Variants in METTL22 observed in about 807,000 individuals in gnomAD.
METTL22 encodes the protein methyltransferase 22, Kin17 lysine.
In METTL22, 51 loss-of-function variants were observed where a neutral mutation model predicts 48.4. The ratio of observed to expected loss-of-function variants is 1.05; its 90% CI spans 0.84 to 1.33. The LOEUF (loss-of-function observed/expected upper bound fraction) is 1.33. METTL22 is among the 40% of genes most tolerant of loss of function. The probability of loss-of-function intolerance (pLI) is 0.00; values close to 1 mark genes in which losing one functional copy is unlikely to be tolerated. For missense variants in METTL22, 678 were observed against 526.9 expected, an observed-to-expected ratio of 1.29 and a Z score of -2.81; for synonymous variants, 255 against 214.1, an observed-to-expected ratio of 1.19 and a Z score of -1.67.
the METTL22 span, among the ~76,000 whole-genome samples, chr16:8,663,592 C>T: frequency 1.3e-5 from 2 of 152,046 alleles, no homozygotes. Context: ...GAGGTCCTCC[C>T]ACTCCTCCTA....
chr16:8,658,234 A>G, the METTL22 span, among the ~76,000 whole-genome samples: 5 of 152,324 alleles, frequency 3.3e-5, no homozygotes, highest in African/African-American at 1.2e-4. Flanking sequence ...ATCACCAGAA[A>G]CTGGAAGAGG....
intron 2 of METTL22, among the ~76,000 whole-genome samples, chr16:8,626,799 C>T (rs1178817904): frequency 8.1e-6 from 1 of 122,742 alleles, no homozygotes; most frequent in Admixed American, 9.9e-5. Flanking sequence ...CAGTCTCGCT[C>T]CCTCACCCAG....
At chr16:8,642,320 GC>G in intron 8 of METTL22, 113 bp downstream of exon 8, 2 of 1,235,332 alleles carry the variant, frequency 1.6e-6, no homozygotes. Flanking sequence ...TCTGGTACAT[GC>G]CACCACATCT....
At chr16:8,632,023 T>G (rs1345704108) in intron 3 of METTL22, 1 of 152,208 alleles carries the variant, frequency 6.6e-6, no homozygotes, top group East Asian at 1.9e-4. Flanking sequence ...AAGAAGCATA[T>G]TTACCCATTC....
In METTL22 at chr16:8,641,861, C is replaced by G. The variant is rs2056629125; in HGVS notation, c.827-266C>G. The G allele has an allele frequency of 8.8e-6, 5 of 567,296 alleles. No individual in the cohort carries two copies. In the Admixed American group the frequency reaches 1.5e-4, roughly 17 times the overall value. 35.1% of individuals were successfully genotyped at this position (567,296 alleles called of 1,614,324 possible). A position where few individuals can be genotyped will look rare whatever the true frequency, so the allele number is the denominator to read the frequency against. Reference sequence around the variant, plus strand: ...TCATGTCCTGCACTGGGCCACAGGCCAAGGCAGCGGGTGAGGCTGAAATCC... The same window carrying G: ...TCATGTCCTGCACTGGGCCACAGGCGAAGGCAGCGGGTGAGGCTGAAATCC... On this transcript the variant is annotated intron_variant, in intron 7 of 10. Transcript: ENST00000381920.
At chr16:8,627,958 A>C (rs2056118737) in intron 2 of METTL22, among the ~76,000 whole-genome samples, 1 of 152,106 alleles carries the variant, frequency 6.6e-6, no homozygotes, top group South Asian at 2.1e-4. Flanking sequence ...CAGGCTGGTC[A>C]AATTCCTGGG....
In METTL22 at chr16:8,622,925, G is replaced by T. The variant is rs1174930359; in HGVS notation, c.-171+1150G>T. On this transcript the variant is annotated intron_variant, in intron 1 of 10. Transcript: ENST00000381920. ...AGATTAAGAATTTGAGTTTTTTTGT[G>T]TGTGTCTATACTTAAAATTTGGTGT... Among the ~76,000 whole-genome samples, 3 of 152,170 alleles carry T rather than the reference G, an allele frequency of 2.0e-5. No individual in the cohort carries two copies. The East Asian group carries it at 5.8e-4, about 29-fold the overall frequency.
At chr16:8,641,312 G>T in intron 7 of METTL22, 128 bp downstream of exon 7, 1 of 895,938 alleles carries the variant, frequency 1.1e-6, no homozygotes, top group Non-Finnish European at 1.8e-6. Context: ...TCGGCGCATG[G>T]CAGCTTCTCT....
At chr16:8,653,597 C>T (rs1423881908), downstream of METTL22, among the ~76,000 whole-genome samples, 1 of 152,218 alleles carries the variant, frequency 6.6e-6, no homozygotes, top group Non-Finnish European at 1.5e-5. Context: ...ATAAGGCAAT[C>T]AGTCTCTATT....
intron 3 of METTL22, 105 bp downstream of exon 3, chr16:8,629,215 C>T (rs1257433395): frequency 1.5e-5 from 22 of 1,454,094 alleles, no homozygotes; most frequent in Non-Finnish European, 1.8e-5. Context: ...GCCCAGGCAG[C>T]ACAGGTTATG....
intron 6 of METTL22, 90 bp downstream of exon 6, chr16:8,639,252 G>A (rs1270222368): frequency 1.6e-6 from 2 of 1,290,210 alleles, no homozygotes; most frequent in African/African-American, 2.9e-5. Flanking sequence ...TGGGAGGCAG[G>A]GCTCCGTCTG....
chr16:8,664,387 C>A, the METTL22 span, among the ~76,000 whole-genome samples: 1 of 152,118 alleles, frequency 6.6e-6, no homozygotes. Context: ...CTCAGGTGAT[C>A]CACCTGCCCC....
downstream of METTL22, among the ~76,000 whole-genome samples, chr16:8,650,382 T>A (rs1432047137): frequency 1.3e-5 from 2 of 152,348 alleles, no homozygotes; most frequent in Admixed American, 1.3e-4. Context: ...GTTTAAATCC[T>A]GCCTCTGCTG....
chr16:8,661,591 G>A, the METTL22 span, among the ~76,000 whole-genome samples: 3 of 127,172 alleles, frequency 2.4e-5, no homozygotes, highest in Non-Finnish European at 4.8e-5. Flanking sequence ...CTTGCAGTGA[G>A]CCGAGATTGA....
At chr16:8,637,203 G>C (rs1435654708) in intron 5 of METTL22, among the ~76,000 whole-genome samples, 1 of 152,160 alleles carries the variant, frequency 6.6e-6, no homozygotes, top group African/African-American at 2.4e-5. Flanking sequence ...TTTTGTTTCT[G>C]AGATAGGAAG....
chr16:8,622,184 G>T (rs6498208), intron 1 of METTL22, among the ~76,000 whole-genome samples: 138,919 of 152,140 alleles, frequency 0.91, 63,580 homozygotes, highest in African/African-American at 0.97. Context: ...CCTGCCCCCA[G>T]CCTGGGCCTT....
At chr16:8,637,048 A>C (rs1178947688) in intron 5 of METTL22, among the ~76,000 whole-genome samples, 1 of 152,222 alleles carries the variant, frequency 6.6e-6, no homozygotes, top group South Asian at 2.1e-4. Context: ...TAGAACAAAT[A>C]TACCTGTTTA....
Position 8,642,523 on chromosome 16 carries a change from G to A in METTL22, c.968G>A (p.Arg323Lys), listed in dbSNP as rs1463049249. The part of the protein sequence containing the change: ...VFKTLSRLAH[R>K]LKNACTAILS... ...AAAACGCTCTCCCGACTCGCCCACAGATTGAAAAATGCCTGCACAGCCATA... is the reference window on the plus strand; with the variant it reads ...AAAACGCTCTCCCGACTCGCCCACAAATTGAAAAATGCCTGCACAGCCATA... Residue 323 changes from arginine (R) to lysine (K), a missense_variant, in exon 9 of 11, where the codon AGA becomes AAA. Transcript: ENST00000381920. 3 of 1,614,234 alleles carry A rather than the reference G, an allele frequency of 1.9e-6. No homozygotes were observed. The highest frequency in any genetic ancestry group is 3.3e-5 in the Admixed American group (2 of 60,026).
chr16:8,644,979 C>T (rs1178499208), intron 10 of METTL22: 4 of 338,414 alleles, frequency 1.2e-5, no homozygotes, highest in African/African-American at 4.3e-5. Flanking sequence ...ATATTCCCCC[C>T]GTTGGACAGT....
Sources: gnomAD v4.1 joint callset for allele counts (sites outside exome capture counted in the v4.1 genomes callset) on GRCh38, gnomAD v4.1.1 for gene constraint, MANE v1.5 for transcripts, NCBI Gene and HGNC (gene_info 2026-07-23, HGNC 2026-07-21) for gene names.